RGS12: variants seen among roughly 807,000 people sequenced by gnomAD.
RGS12 encodes regulator of G protein signaling 12, also known as regulator of G-protein signaling 12.
A neutral mutation model predicts 120.1 loss-of-function variants in RGS12; 66 were observed. The ratio of observed to expected loss-of-function variants is 0.55; its 90% confidence interval spans 0.45 to 0.67. The LOEUF is 0.67. RGS12 is among the 30% of genes least tolerant of loss of function. The pLI is 0.00. For missense variants in RGS12, 1,859 were observed against 1,957.7 expected, an observed-to-expected ratio of 0.95 and a Z score of 0.95; for synonymous variants, 827 against 804.7, an observed-to-expected ratio of 1.03 and a Z score of -0.47.
At chr4:3,333,240 G>A (rs1026397336) in intron 2 of RGS12, among the ~76,000 whole-genome samples, 3 of 152,064 alleles carry the variant, frequency 2.0e-5, no homozygotes, top group Non-Finnish European at 4.4e-5. Flanking sequence ...TAGTAGAGAC[G>A]GGGTTTCACC....
At chr4:3,338,672 C>T (rs1006435068) in intron 2 of RGS12, among the ~76,000 whole-genome samples, 2 of 152,194 alleles carry the variant, frequency 1.3e-5, no homozygotes, top group Non-Finnish European at 2.9e-5. Context: ...CTGCTCCACT[C>T]AGTGCCCTTG....
intron 3 of RGS12, chr4:3,370,032 T>G (rs1332830827): frequency 1.2e-5 from 15 of 1,259,344 alleles, no homozygotes; most frequent in Non-Finnish European, 1.4e-5. Context: ...AGTTTAAAAA[T>G]GATCTCACAG....
intron 2 of RGS12, among the ~76,000 whole-genome samples, chr4:3,340,110 T>G (rs1712898233): frequency 6.6e-6 from 1 of 152,252 alleles, no homozygotes; most frequent in African/African-American, 2.4e-5. Context: ...TGCCCTGCGC[T>G]CCCCATTGTT....
intron 17 of RGS12, among the ~76,000 whole-genome samples, chr4:3,437,153 AG>A (rs1390704632): frequency 6.6e-6 from 1 of 152,076 alleles, no homozygotes; most frequent in African/African-American, 2.4e-5. Context: ...CAGGCAGCTG[AG>A]TCACAGGCCT....
intron 3 of RGS12, among the ~76,000 whole-genome samples, chr4:3,375,065 G>A (rs1717494138): frequency 6.6e-6 from 1 of 152,188 alleles, no homozygotes; most frequent in African/African-American, 2.4e-5. Context: ...ACCAACCCAT[G>A]GGTATGCCAG....
chr4:3,368,470 G>T (rs1166548725), intron 3 of RGS12, among the ~76,000 whole-genome samples: 8 of 120,998 alleles, frequency 6.6e-5, no homozygotes, highest in Non-Finnish European at 9.0e-5. Flanking sequence ...TTTGTGTGTG[G>T]GGGTGCCTGT....
intron 2 of RGS12, among the ~76,000 whole-genome samples, chr4:3,341,895 G>A (rs1157147508): frequency 6.7e-6 from 1 of 149,982 alleles, no homozygotes; most frequent in African/African-American, 2.5e-5. Flanking sequence ...GGGCTGGGCC[G>A]TGACAATGGG....
intron 12 of RGS12, among the ~76,000 whole-genome samples, 157 bp from the exon 13 acceptor site, chr4:3,423,358 C>T (rs571253230): frequency 1.1e-4 from 16 of 152,330 alleles, no homozygotes; most frequent in Non-Finnish European, 1.5e-4. Context: ...ACTTTTCCCA[C>T]GTGGAGGAAG....
chr4:3,327,478 G>C (rs1310855111), intron 2 of RGS12, among the ~76,000 whole-genome samples: 1 of 152,220 alleles, frequency 6.6e-6, no homozygotes, highest in Admixed American at 6.5e-5. Context: ...ATAATCAACA[G>C]AGTGAACAGA....
chr4:3,309,925 T>G (rs10023136), intron 1 of RGS12, among the ~76,000 whole-genome samples: 452 of 36,020 alleles, frequency 0.013, 1 homozygote, highest in South Asian at 0.028. Flanking sequence ...GCTGGGACCC[T>G]GGAATGGCAG....
At chr4:3,424,428 T>C (rs1723380162) in intron 13 of RGS12, among the ~76,000 whole-genome samples, 1 of 152,264 alleles carries the variant, frequency 6.6e-6, no homozygotes, top group Non-Finnish European at 1.5e-5. Flanking sequence ...TTCCCCGCGC[T>C]GCAGGCTCCA....
At chr4:3,313,561 C>A (rs1176084862) in intron 1 of RGS12, among the ~76,000 whole-genome samples, 1 of 152,230 alleles carries the variant, frequency 6.6e-6, no homozygotes, top group Non-Finnish European at 1.5e-5. Context: ...AGACAACACA[C>A]ATTCATTCTC....
intron 2 of RGS12, among the ~76,000 whole-genome samples, chr4:3,327,268 A>G (rs1016883911): frequency 3.3e-5 from 5 of 152,220 alleles, no homozygotes; most frequent in Admixed American, 6.5e-5. Context: ...CTGGACTGCT[A>G]TCTCTCACCA....
At chr4:3,420,505 G>C in intron 9 of RGS12, 137 bp from the exon 10 acceptor site, 1 of 802,048 alleles carries the variant, frequency 1.2e-6, no homozygotes, top group East Asian at 2.7e-5. Context: ...AGACGGCAAA[G>C]TGATGCCTGG....
At chr4:3,287,594 G>A in the RGS12 span, among the ~76,000 whole-genome samples, 3 of 152,248 alleles carry the variant, frequency 2.0e-5, no homozygotes, top group African/African-American at 7.2e-5. Flanking sequence ...GTTCTGTGTA[G>A]GAATAATATG....
intron 2 of RGS12, among the ~76,000 whole-genome samples, chr4:3,323,046 A>G (rs900309851): frequency 9.9e-5 from 15 of 152,212 alleles, no homozygotes; most frequent in African/African-American, 3.6e-4. Context: ...AGTACATCTG[A>G]AAATCGCGCT....
intron 2 of RGS12, among the ~76,000 whole-genome samples, chr4:3,332,224 C>T (rs554856426): frequency 6.6e-6 from 1 of 152,324 alleles, no homozygotes; most frequent in Admixed American, 6.5e-5. Context: ...GTGGCCGCCA[C>T]ATCCCTGCAG....
intron 2 of RGS12, among the ~76,000 whole-genome samples, chr4:3,327,357 CTT>C (rs1725618955): frequency 6.6e-6 from 1 of 152,202 alleles, no homozygotes; most frequent in Non-Finnish European, 1.5e-5. Flanking sequence ...TAGGGAAACT[CTT>C]TTGGATGTTG....
At chr4:3,362,766 G>A (rs1295883463) in intron 3 of RGS12, among the ~76,000 whole-genome samples, 3 of 139,838 alleles carry the variant, frequency 2.1e-5, no homozygotes, top group African/African-American at 8.1e-5. Context: ...AAGATGTGAG[G>A]GTGTGAGTTA....
Sources: gnomAD v4.1 joint callset for allele counts (sites outside exome capture counted in the v4.1 genomes callset) on GRCh38, gnomAD v4.1.1 for gene constraint, MANE v1.5 for transcripts, NCBI Gene and HGNC (gene_info 2026-07-23, HGNC 2026-07-21) for gene names.